Variants in ZNF385D observed in about 807,000 individuals in gnomAD.
The protein encoded by ZNF385D is zinc finger protein 385D, also known as zinc finger protein 659.
In ZNF385D, 15 loss-of-function variants were observed where a neutral mutation model predicts 35.8. The observed-to-expected ratio is 0.42, with a 90% CI of 0.28 to 0.64. The LOEUF is 0.64. Among genes scored for constraint, ZNF385D ranks in the 30% least tolerant of loss-of-function variants. ZNF385D has a pLI of 0.23. For missense variants in ZNF385D, 474 were observed against 494.6 expected (o/e 0.96, Z 0.39); for synonymous variants, 212 against 186.8 (o/e 1.13, Z -1.10).
chr3:21,489,823 C>T (rs1214863321), intron 4 of ZNF385D, among the ~76,000 whole-genome samples: 2 of 152,076 alleles, frequency 1.3e-5, no homozygotes, highest in Admixed American at 6.6e-5. Flanking sequence ...TGTGAAGCTC[C>T]TGGTTGGGTC....
intron 3 of ZNF385D, among the ~76,000 whole-genome samples, chr3:21,940,280 G>A (rs919584121): frequency 3.3e-5 from 5 of 152,084 alleles, no homozygotes; most frequent in African/African-American, 7.2e-5. Flanking sequence ...GATTTTAAGG[G>A]CAAGCAGAGG....
At chr3:21,930,119 G>A (rs879821094) in intron 3 of ZNF385D, among the ~76,000 whole-genome samples, 1 of 152,020 alleles carries the variant, frequency 6.6e-6, no homozygotes, top group Admixed American at 6.5e-5. Context: ...AATGGAATTT[G>A]AGAGTCCAAA....
At chr3:22,076,492 C>T (rs1259016627) in intron 3 of ZNF385D, among the ~76,000 whole-genome samples, 1 of 151,862 alleles carries the variant, frequency 6.6e-6, no homozygotes, top group African/African-American at 2.4e-5. Flanking sequence ...TTCCCATAAC[C>T]AAACCACTTA....
At chr3:21,501,717 A>G (rs1706383801) in intron 4 of ZNF385D, among the ~76,000 whole-genome samples, 1 of 152,202 alleles carries the variant, frequency 6.6e-6, no homozygotes, top group Non-Finnish European at 1.5e-5. Flanking sequence ...TGCAGTTGAA[A>G]TATTTTGTTA....
chr3:21,510,012 C>CTT (rs1707082380), intron 4 of ZNF385D, among the ~76,000 whole-genome samples: 2 of 152,176 alleles, frequency 1.3e-5, no homozygotes, highest in African/African-American at 4.8e-5. Context: ...AAGACACTAT[C>CTT]ATTGGTGATG....
At chr3:21,801,894 T>G (rs565929221) in intron 3 of ZNF385D, among the ~76,000 whole-genome samples, 1 of 152,324 alleles carries the variant, frequency 6.6e-6, no homozygotes, top group African/African-American at 2.4e-5. Context: ...CAGAAATTAC[T>G]GAAGCTTTCT....
At chr3:22,265,069 C>T (rs1700828361) in intron 2 of ZNF385D, among the ~76,000 whole-genome samples, 1 of 151,886 alleles carries the variant, frequency 6.6e-6, no homozygotes, top group African/African-American at 2.4e-5. Flanking sequence ...CTCAGAATTA[C>T]ATCACTGGGA....
chr3:22,008,003 T>C (rs576643780), intron 3 of ZNF385D, among the ~76,000 whole-genome samples: 1 of 152,172 alleles, frequency 6.6e-6, no homozygotes, highest in African/African-American at 2.4e-5. Flanking sequence ...AGAACTTGTA[T>C]AGTTTCTTTC....
In ZNF385D at chr3:21,763,265, C is replaced by T. The variant is rs192247232; in HGVS notation, c.326-98237G>A. ...TCTGTCTGAGTAACAGTGATGGCTC[C>T]GAGCTGTCAGGTCTCCCCGGAGATA... On this transcript the variant is annotated intron_variant, in intron 3 of 5. Coordinates refer to the ZNF385D transcript ENST00000494108. Among the ~76,000 whole-genome samples the T allele has an allele frequency of 3.3e-5, 5 of 152,198 alleles. No homozygotes were observed. In the East Asian group the frequency reaches 9.7e-4, roughly 29 times the overall value.
chr3:22,335,758 T>C (rs1162935582), intron 2 of ZNF385D, among the ~76,000 whole-genome samples: 1 of 152,102 alleles, frequency 6.6e-6, no homozygotes, highest in Non-Finnish European at 1.5e-5. Context: ...CTTCTATCTT[T>C]ATTTTCCATA....
chr3:22,017,013 T>G (rs1276317797), intron 3 of ZNF385D, among the ~76,000 whole-genome samples: 2 of 152,038 alleles, frequency 1.3e-5, no homozygotes, highest in Non-Finnish European at 2.9e-5. Context: ...AATAATAGTT[T>G]CTAATTTTTT....
chr3:22,044,657 C>T (rs191895284), intron 3 of ZNF385D, among the ~76,000 whole-genome samples: 1 of 152,076 alleles, frequency 6.6e-6, no homozygotes, highest in Non-Finnish European at 1.5e-5. Context: ...GGATACAGGG[C>T]ACAGATTTAT....
At chr3:21,731,020 G>A (rs1395891281) in intron 1 of ZNF385D, among the ~76,000 whole-genome samples, 1 of 152,030 alleles carries the variant, frequency 6.6e-6, no homozygotes, top group Non-Finnish European at 1.5e-5. Context: ...AAACTTTTGG[G>A]AATATACAGT....
At chr3:21,918,838 G>T (rs1700319080) in intron 3 of ZNF385D, among the ~76,000 whole-genome samples, 1 of 152,040 alleles carries the variant, frequency 6.6e-6, no homozygotes, top group African/African-American at 2.4e-5. Flanking sequence ...CTTCTTGACA[G>T]CGAGATCTCG....
chr3:22,060,225 C>T (rs973325105), intron 3 of ZNF385D, among the ~76,000 whole-genome samples: 3 of 152,286 alleles, frequency 2.0e-5, no homozygotes, highest in Admixed American at 1.3e-4. Context: ...TGGATCTTGT[C>T]AGCCTTCATA....
chr3:22,348,332 A>G (rs917360744), intron 2 of ZNF385D, among the ~76,000 whole-genome samples: 2 of 151,922 alleles, frequency 1.3e-5, no homozygotes, highest in East Asian at 1.9e-4. Flanking sequence ...CCCTAATCCT[A>G]TTTGAATAAT....
chr3:21,581,907 T>C (rs1171804758), intron 2 of ZNF385D, among the ~76,000 whole-genome samples: 1 of 152,150 alleles, frequency 6.6e-6, no homozygotes, highest in African/African-American at 2.4e-5. Context: ...TCCTTAGGGA[T>C]GACTGAGATG....
chr3:22,101,099 C>T (rs779189), intron 3 of ZNF385D, among the ~76,000 whole-genome samples: 77,129 of 151,474 alleles, frequency 0.51, 20,138 homozygotes, highest in Non-Finnish European at 0.55. Flanking sequence ...GAGATTTTGT[C>T]GAATTCTAAT....
intron 3 of ZNF385D, among the ~76,000 whole-genome samples, chr3:21,995,002 T>G (rs773192513): frequency 6.6e-6 from 1 of 152,204 alleles, no homozygotes; most frequent in Admixed American, 6.5e-5. Flanking sequence ...TGGGTCCAGG[T>G]AGGCCAATCC....
Sources: gnomAD v4.1 joint callset for allele counts (sites outside exome capture counted in the v4.1 genomes callset) on GRCh38, gnomAD v4.1.1 for gene constraint, MANE v1.5 for transcripts, NCBI Gene and HGNC (gene_info 2026-07-23, HGNC 2026-07-21) for gene names.